The following CRYBG2 variants were observed in gnomAD, a reference collection of about 807,000 sequenced individuals.
CRYBG2 encodes beta/gamma crystallin domain-containing protein 2.
Under a neutral mutation model 153.4 loss-of-function variants are expected in CRYBG2, and 106 were observed. The ratio of observed to expected loss-of-function variants is 0.69; its 90% CI spans 0.59 to 0.81. The LOEUF (loss-of-function observed/expected upper bound fraction) is 0.81, where lower values mean the gene tolerates loss of function less well. Ranked by LOEUF, CRYBG2 falls within the 30% of genes least tolerant of loss-of-function variation. CRYBG2 has a pLI of 0.00. For missense variants in CRYBG2, 1,996 were observed against 2,112.0 expected, an observed-to-expected ratio of 0.95 and a Z score of 1.08; for synonymous variants, 851 against 877.8, an observed-to-expected ratio of 0.97 and a Z score of 0.54.
In CRYBG2 at chr1:26,344,485, G is replaced by A. The variant is rs1024330575; in HGVS notation, c.2173C>T (p.Pro725Ser). 1.9e-6 allele frequency: 3 copies of A among 1,543,092 alleles called. No homozygotes were observed. The highest frequency in any genetic ancestry group is 2.7e-5 in the African/African-American group (2 of 73,086). The change falls in exon 2 of 20, where the codon CCA (proline) becomes TCA (serine). Residue 725 changes from proline (P) to serine (S), a missense_variant. Transcript: ENST00000308182. ...VSPSPGGTPA[P>S]VPTGAEASTE... ...CTGGCCTCTGCTCCTGTTGGCACTG[G>A]GGCAGGGGTGCCTCCTGGGCTGGGG... is the stretch of plus-strand genomic sequence containing the variant.
intron 5 of CRYBG2, 75 bp downstream of exon 5, chr1:26,342,679 G>T: frequency 6.4e-7 from 1 of 1,568,520 alleles, no homozygotes; most frequent in East Asian, 2.3e-5. Context: ...CATTACAGGC[G>T]TGAGTCACTG....
intron 18 of CRYBG2, among the ~76,000 whole-genome samples, chr1:26,322,575 A>G (rs537574168): frequency 6.6e-6 from 1 of 152,344 alleles, no homozygotes; most frequent in African/African-American, 2.4e-5. Flanking sequence ...TCCTTCCATG[A>G]TTGGCTTCCA....
chr1:26,334,620 T>C (rs1446263295), intron 14 of CRYBG2, among the ~76,000 whole-genome samples: 1 of 152,110 alleles, frequency 6.6e-6, no homozygotes, highest in Non-Finnish European at 1.5e-5. Flanking sequence ...GTGAATATCT[T>C]GAGGACAAAA....
intron 1 of CRYBG2, among the ~76,000 whole-genome samples, chr1:26,348,594 C>T (rs781048980): frequency 1.4e-4 from 22 of 151,940 alleles, no homozygotes; most frequent in Non-Finnish European, 2.6e-4. Flanking sequence ...CTCGCTCTGT[C>T]GCCCAGGCTG....
In CRYBG2 at chr1:26,336,819, T is replaced by A; in HGVS notation, c.3911+22A>T. On this transcript the variant is annotated intron_variant, in intron 11 of 19. Coordinates refer to ENST00000308182, the MANE Select transcript of CRYBG2 (RefSeq NM_001039775.4). This position sits in a 1 kb window ranked among gnomAD's most constrained non-coding sequence, Gnocchi z 4.9. The stretch of plus-strand genomic sequence containing the variant: ...CCCGGCTCGCCCGGGCCCGCCCCGC[T>A]CCCGGAGCCCGGGTCACTTACACGC... The A allele has an allele frequency of 5.1e-6, 8 of 1,572,448 alleles. No individual in the cohort carries two copies. The highest frequency in any genetic ancestry group is 6.9e-6 in the Non-Finnish European group (8 of 1,160,804).
Position 26,336,178 on chromosome 1 carries a change from C to A in CRYBG2, c.4101G>T (p.Leu1367=). 6.4e-7 allele frequency: 1 copy of A among 1,550,512 alleles called. No homozygotes were observed. Among genetic ancestry groups the A allele is most frequent in the Admixed American group, 1.9e-5 (1 of 51,630 alleles). Residue 1367 remains leucine (L), a synonymous_variant, in exon 14 of 20, where the codon CTG becomes CTT. Transcript: ENST00000308182. This position sits in a 1 kb window ranked among gnomAD's most constrained non-coding sequence, Gnocchi z 4.9. ...KIQLFSRPDF[L]GDHFSFEDDQ... ...CATCTTCGAAAGAGAAGTGGTCGCCCAGAAAGTCGGGGCGGGAGAAAAGCT... is the reference window on the plus strand; with the variant it reads ...CATCTTCGAAAGAGAAGTGGTCGCCAAGAAAGTCGGGGCGGGAGAAAAGCT...
intron 5 of CRYBG2, among the ~76,000 whole-genome samples, chr1:26,342,431 A>G (rs1318747571): frequency 1.3e-5 from 2 of 152,044 alleles, no homozygotes; most frequent in African/African-American, 4.8e-5. Flanking sequence ...ACGGAGTCTC[A>G]CTCTGTTGCC....
chr1:26,324,191 G>A lies in CRYBG2; in HGVS notation c.4698C>T (p.Ser1566=), dbSNP rs1198591477. Residue 1566 remains serine, a synonymous_variant, in exon 18 of 20, where the codon AGC becomes AGT. Coordinates refer to ENST00000308182, the MANE Select transcript of CRYBG2 (RefSeq NM_001039775.4). ...GCCCATCCTCGTAGTACCAGATGCA[G>A]CTACCTCCAGCTTGGGGGTCGGCGA... ...VVVADPQAGG[S]CIWYYEDGLL... is the part of the protein sequence containing the mutation. 3.1e-6 allele frequency: 5 copies of A among 1,613,484 alleles called. No homozygotes were observed. Among genetic ancestry groups the A allele is most frequent in the Non-Finnish European group, 4.2e-6 (5 of 1,179,978 alleles).
Position 26,343,727 on chromosome 1 carries a change from A to G in CRYBG2, c.2913+18T>C. On this transcript the variant is annotated intron_variant, in intron 2 of 19. Transcript: ENST00000308182. The surrounding 1 kb of genome is among the most constrained non-coding windows in gnomAD (Gnocchi z 4.1). The stretch of plus-strand genomic sequence containing the variant: ...GTGAGGCCAGGCACCTCCCTTGCCC[A>G]CCCGAGGCCTCACTTACCCACCCCT... The G allele has an allele frequency of 6.9e-7, 1 of 1,441,386 alleles. No individual in the cohort carries two copies. The highest frequency in any genetic ancestry group is 9.1e-7 in the Non-Finnish European group (1 of 1,094,634). The allele number at this position is 1,441,386 out of a possible 1,614,324, so 89.3% of individuals were successfully genotyped here.
Position 26,346,695 on chromosome 1 carries a change from C to T in CRYBG2, c.-38G>A. On this transcript the variant is annotated 5_prime_UTR_variant, in exon 2 of 20. Transcript: ENST00000308182. This position sits in a 1 kb window ranked among gnomAD's most constrained non-coding sequence, Gnocchi z 4.9. ...CAACCTGTCTGGAGGTGTCCTTGTC[C>T]CACTGTGGTCCAGCTCCCTGCAGAG... is the stretch of plus-strand genomic sequence containing the variant. 1 of 1,480,976 alleles carries T rather than the reference C, an allele frequency of 6.8e-7. No individual in the cohort carries two copies. Among genetic ancestry groups the T allele is most frequent in the Non-Finnish European group, 9.0e-7 (1 of 1,114,014 alleles). 91.7% of individuals were successfully genotyped at this position (1,480,976 alleles called of 1,614,324 possible).
In CRYBG2 at chr1:26,330,377, C is replaced by T. The variant is rs182337046; in HGVS notation, c.4314+1112G>A. ...GTGTCATTGCAAGGGACTTGGACCCCAGAACCAGCTGCCTGGGGGAGAGCC... is the reference window on the plus strand; with the variant it reads ...GTGTCATTGCAAGGGACTTGGACCCTAGAACCAGCTGCCTGGGGGAGAGCC... On this transcript the variant is annotated intron_variant, in intron 15 of 19. Transcript: ENST00000308182. Among the ~76,000 whole-genome samples the T allele has an allele frequency of 2.5e-3, 380 of 152,182 alleles. 1 individual carries two copies. Among genetic ancestry groups the T allele is most frequent in the Non-Finnish European group, 4.2e-3 (285 of 68,012 alleles).
intron 1 of CRYBG2, among the ~76,000 whole-genome samples, chr1:26,353,520 C>T (rs138555388): frequency 3.5e-3 from 533 of 152,344 alleles, no homozygotes; most frequent in African/African-American, 0.012. Flanking sequence ...GTAATTATTG[C>T]TGTCACTGAG....
In CRYBG2 at chr1:26,336,971, CCCCGAAGTCCTGGGT is replaced by C. The variant is rs765982456; in HGVS notation, c.3772-6_3780del. ...GCCTCAAATAGCACGACGGCCGGGT[CCCCGAAGTCCTGGGT>C]CCCCAGGGACAGTCAGGTCTCTCCC... On this transcript the variant is annotated splice_acceptor_variant and splice_polypyrimidine_tract_variant and coding_sequence_variant and intron_variant, in exon 11 of 20. Coordinates refer to ENST00000308182, the MANE Select transcript of CRYBG2 (RefSeq NM_001039775.4). LOFTEE classifies it high-confidence loss of function. The surrounding 1 kb of genome is among the most constrained non-coding windows in gnomAD (Gnocchi z 4.9). 4.3e-6 allele frequency: 7 copies of C among 1,613,504 alleles called. No individual in the cohort carries two copies. The African/African-American group carries it at 9.3e-5, about 22-fold the overall frequency.
In CRYBG2 at chr1:26,342,800, G is replaced by A. The variant is rs373206271; in HGVS notation, c.3158C>T (p.Thr1053Ile). ...EGDMELRTPG[T>I]KWSPQGIGSL... ...GCCGATGCCTTGGGGACTCCACTTT[G>A]TCCCTGGGGTTCTGAGTTCCATGTC... The change falls in exon 5 of 20, where the codon ACA (threonine) becomes ATA (isoleucine). Residue 1053 changes from threonine (T) to isoleucine (I), a missense_variant. Physicochemically the swap from Thr to Ile is moderately conservative, Grantham distance 89 (BLOSUM62 -1). Coordinates refer to ENST00000308182, the MANE Select transcript of CRYBG2 (RefSeq NM_001039775.4). 1.2e-6 allele frequency: 2 copies of A among 1,614,020 alleles called. No individual in the cohort carries two copies. Among genetic ancestry groups the A allele is most frequent in the African/African-American group, 2.7e-5 (2 of 75,012 alleles).
chr1:26,324,974 A>G (rs896094021), intron 17 of CRYBG2: 2 of 152,134 alleles, frequency 1.3e-5, no homozygotes, highest in African/African-American at 4.8e-5. Context: ...TTTTACCTAC[A>G]TTATCTTCAG....
chr1:26,353,349 G>A (rs942903062), intron 1 of CRYBG2, among the ~76,000 whole-genome samples: 4 of 152,030 alleles, frequency 2.6e-5, no homozygotes, highest in African/African-American at 4.8e-5. Flanking sequence ...GTCATCCCTG[G>A]GAGGTTCCAT....
Position 26,343,319 on chromosome 1 carries a change from A to G in CRYBG2, c.2914-26T>C, listed in dbSNP as rs2074156802. 3.2e-6 allele frequency: 5 copies of G among 1,549,976 alleles called. No homozygotes were observed. The highest frequency in any genetic ancestry group is 4.4e-6 in the Non-Finnish European group (5 of 1,146,830). On this transcript the variant is annotated intron_variant, in intron 2 of 19. Transcript: ENST00000308182. This position sits in a 1 kb window ranked among gnomAD's most constrained non-coding sequence, Gnocchi z 4.1. ...CTGAAACGGAGGCAGGTGATAAAGA[A>G]GTCCTGTGGGGTCACCTCTTTTCTG...
chr1:26,329,239 C>T (rs961092390), intron 15 of CRYBG2, among the ~76,000 whole-genome samples: 2 of 142,746 alleles, frequency 1.4e-5, no homozygotes, highest in East Asian at 2.0e-4. Flanking sequence ...TACAGTGGCG[C>T]GATATTGGCT....
In CRYBG2 at chr1:26,343,234, C is replaced by T; in HGVS notation, c.2961+12G>A. 1.3e-6 allele frequency: 2 copies of T among 1,550,590 alleles called. No individual in the cohort carries two copies. Among genetic ancestry groups the T allele is most frequent in the African/African-American group, 1.4e-5 (1 of 73,116 alleles). On this transcript the variant is annotated intron_variant, in intron 3 of 19. Transcript: ENST00000308182. This position sits in a 1 kb window ranked among gnomAD's most constrained non-coding sequence, Gnocchi z 4.1. Reference sequence around the variant, plus strand: ...TCCTGCTGCCCCCACCCACTTGCCCCCACAACCCTACCTTTCCAGGCCTGG... The same window carrying T: ...TCCTGCTGCCCCCACCCACTTGCCCTCACAACCCTACCTTTCCAGGCCTGG...
Sources: gnomAD v4.1 joint callset for allele counts (sites outside exome capture counted in the v4.1 genomes callset) on GRCh38, gnomAD v4.1.1 for gene constraint, Gnocchi (gnomAD v3.1) non-coding constraint, MANE v1.5 for transcripts, NCBI Gene and HGNC (gene_info 2026-07-23, HGNC 2026-07-21) for gene names.